Variants in RAD51 observed in about 807,000 individuals in gnomAD.
RAD51 encodes the protein DNA repair protein RAD51 homolog 1.
A neutral mutation model predicts 41.5 loss-of-function variants in RAD51; 14 were observed. The ratio of observed to expected loss-of-function variants is 0.34; its 90% CI spans 0.22 to 0.53. RAD51 has a LOEUF of 0.53. RAD51 is among the 20% of genes least tolerant of loss of function. RAD51 has a pLI of 0.95. For missense variants in RAD51, 234 were observed against 422.0 expected, an observed-to-expected ratio of 0.55 and a Z score of 3.90; for synonymous variants, 136 against 148.6, an observed-to-expected ratio of 0.92 and a Z score of 0.62.
intron 5 of RAD51, among the ~76,000 whole-genome samples, 185 bp from the exon 6 acceptor site, chr15:40,718,620 G>A (rs903276691): frequency 2.6e-5 from 4 of 152,128 alleles, no homozygotes; most frequent in African/African-American, 9.7e-5. Context: ...GACACAATCA[G>A]CTTTACATAT....
Position 40,722,002 on chromosome 15 carries a change from A to AT in RAD51, c.530+3111dup, listed in dbSNP as rs566752173. On this transcript the variant is annotated intron_variant, in intron 6 of 9. Coordinates refer to ENST00000267868, the MANE Select transcript of RAD51 (RefSeq NM_002875.5). ...TTTAGCCTTAAAAGGAAGAAAACAC[A>AT]TTTTTTTTCTTAGACCTAGTCCTGC... Among the ~76,000 whole-genome samples, 50 of 152,214 alleles carry AT rather than the reference A, an allele frequency of 3.3e-4. No homozygotes were observed. The South Asian group carries it at 9.5e-3, about 29-fold the overall frequency.
intron 4 of RAD51, among the ~76,000 whole-genome samples, chr15:40,707,692 G>T (rs761218855): frequency 2.0e-5 from 3 of 151,944 alleles, no homozygotes; most frequent in Non-Finnish European, 2.9e-5. Context: ...TAGAAATTTC[G>T]TATGTTTTTT....
chr15:40,721,965 A>G (rs578232374), intron 6 of RAD51, among the ~76,000 whole-genome samples: 7 of 152,356 alleles, frequency 4.6e-5, no homozygotes, highest in African/African-American at 1.4e-4. Context: ...CATACACACA[A>G]TGAAATATCA....
intron 5 of RAD51, among the ~76,000 whole-genome samples, chr15:40,716,276 A>G (rs1379454398): frequency 2.0e-5 from 3 of 152,224 alleles, no homozygotes; most frequent in African/African-American, 4.8e-5. Flanking sequence ...CACTTATATA[A>G]AAGAAGTATA....
In RAD51 at chr15:40,709,102, G is replaced by T. The variant is rs757033061; in HGVS notation, c.421G>T (p.Ala141Ser). The T allele has an allele frequency of 1.2e-6, 2 of 1,613,426 alleles. No individual in the cohort carries two copies. The highest frequency in any genetic ancestry group is 4.5e-5 in the East Asian group (2 of 44,868). Reference protein sequence around the residue: ...TGKTQICHTLAVTCQLPIDRG... With the variant: ...TGKTQICHTLSVTCQLPIDRG... ...GAAGACCCAGATCTGTCATACGCTA[G>T]CTGTCACCTGCCAGGTGAGCTGTTG... is the stretch of plus-strand genomic sequence containing the variant. Residue 141 changes from alanine (A) to serine (S), a missense_variant, in exon 5 of 10, where the codon GCT becomes TCT. By Grantham distance (99) the Ala-to-Ser change is moderately conservative. This residue lies in a region of RAD51 where 134 missense variants were observed against 286.5 expected (regional missense o/e 0.47). Coordinates refer to ENST00000267868, the MANE Select transcript of RAD51 (RefSeq NM_002875.5).
intron 1 of RAD51, chr15:40,695,994 C>T (rs948275152): frequency 6.6e-6 from 1 of 152,250 alleles, no homozygotes; most frequent in Admixed American, 6.5e-5. Flanking sequence ...CCTACCTCAG[C>T]CTCCCGAGGA....
At chr15:40,718,378 C>A (rs953789989) in intron 5 of RAD51, among the ~76,000 whole-genome samples, 1 of 151,748 alleles carries the variant, frequency 6.6e-6, no homozygotes, top group African/African-American at 2.4e-5. Context: ...ATTAGCTGGG[C>A]GTGGTGGCAT....
chr15:40,706,700 C>CA (rs1279850918), intron 4 of RAD51, among the ~76,000 whole-genome samples: 2 of 150,964 alleles, frequency 1.3e-5, no homozygotes, highest in South Asian at 2.1e-4. Context: ...AACTCTGTCT[C>CA]AAAAACAAAG....
rs774162710 is a variant in RAD51, at chr15:40,729,870, A to G, written c.792A>G (p.Val264=). The G allele has an allele frequency of 3.7e-6, 6 of 1,614,210 alleles. No individual in the cohort carries two copies. The South Asian group carries it at 5.5e-5, about 15-fold the overall frequency. The stretch of plus-strand genomic sequence containing the variant: ...CCCATCAGTTTGGTGTAGCAGTGGT[A>G]ATCACTAATCAGGTGGTAGCTCAAG... ...RLADEFGVAV[V]ITNQVVAQVD... is the part of the protein sequence containing the mutation. Residue 264 remains valine, a synonymous_variant, in exon 9 of 10, where the codon GTA becomes GTG. Coordinates refer to ENST00000267868, the MANE Select transcript of RAD51 (RefSeq NM_002875.5).
At chr15:40,725,687 T>C (rs1596019514) in intron 6 of RAD51, among the ~76,000 whole-genome samples, 2 of 152,232 alleles carry the variant, frequency 1.3e-5, no homozygotes, top group African/African-American at 2.4e-5. Context: ...GCTAGCAACC[T>C]GTTTTAACAA....
In RAD51 at chr15:40,701,376, CTT is replaced by C. The variant is rs57054958; in HGVS notation, c.225+189_225+190del. Among the ~76,000 whole-genome samples the C allele has an allele frequency of 2.6e-3, 288 of 109,948 alleles. 1 individual carries two copies. The East Asian group carries it at 0.055, about 21-fold the overall frequency. The allele number at this position is 109,948 out of a possible 152,430, so 72.1% of individuals were successfully genotyped here. Reference sequence around the variant, plus strand: ...CTTTTCTTTTCTTTTTTTTTTCTTTCTTTTTTTTTTTTTTTGGAGACGGGTTC... The same window carrying C: ...CTTTTCTTTTCTTTTTTTTTTCTTTCTTTTTTTTTTTTTGGAGACGGGTTC... On this transcript the variant is annotated intron_variant, in intron 3 of 9. Transcript: ENST00000267868.
chr15:40,712,443 G>A (rs1336857965), intron 5 of RAD51, among the ~76,000 whole-genome samples: 1 of 152,172 alleles, frequency 6.6e-6, no homozygotes, highest in Non-Finnish European at 1.5e-5. Flanking sequence ...ATCTGGAAAC[G>A]AAAGATCCAT....
rs373355182 is a variant in RAD51 at position 40,730,381 on chromosome 15, G to A, written c.896+407G>A. 3.9e-5 allele frequency among the ~76,000 whole-genome samples: 6 copies of A among 151,982 alleles called. No homozygotes were observed. The East Asian group carries it at 7.7e-4, about 20-fold the overall frequency. The stretch of plus-strand genomic sequence containing the variant: ...GTAGCTGGTGTGGTGGCGTGTGCCT[G>A]TAGTCTTAGCTACCCAGGAGACTGA... On this transcript the variant is annotated intron_variant, in intron 9 of 9. Coordinates refer to ENST00000267868, the MANE Select transcript of RAD51 (RefSeq NM_002875.5).
At chr15:40,695,500 A>C (rs1894560401) in intron 1 of RAD51, 75 bp downstream of exon 1, 1 of 150,700 alleles carries the variant, frequency 6.6e-6, no homozygotes, top group African/African-American at 2.4e-5. Context: ...TGGCCGGTCC[A>C]GTGCTCAGCG....
intron 6 of RAD51, among the ~76,000 whole-genome samples, chr15:40,726,710 C>G (rs548753000): frequency 2.6e-5 from 4 of 151,616 alleles, no homozygotes; most frequent in South Asian, 4.2e-4. Context: ...GTCAGGAGAT[C>G]GAGACCATCC....
In RAD51 at chr15:40,698,757, T is replaced by TA. The variant is rs55714242; in HGVS notation, c.1dup. On this transcript the variant is annotated splice_region_variant and 5_prime_UTR_variant, in exon 2 of 10. Coordinates refer to ENST00000267868, the MANE Select transcript of RAD51 (RefSeq NM_002875.5). ...ACTGATAAGCATTTGTATTTTTCAG[T>TA]AATGGCAATGCAGATGCAGCTTGAA... The TA allele has an allele frequency of 2.9e-4, 470 of 1,613,498 alleles. 7 individuals are homozygous for TA. The East Asian group carries it at 0.01, about 36-fold the overall frequency.
chr15:40,709,980 C>T (rs900503753), intron 5 of RAD51, among the ~76,000 whole-genome samples: 84 of 152,018 alleles, frequency 5.5e-4, no homozygotes, highest in African/African-American at 1.8e-3. Flanking sequence ...CGGTGACTCA[C>T]GCCTGTAATC....
At chr15:40,703,949 G>A (rs964910450) in intron 3 of RAD51, among the ~76,000 whole-genome samples, 4 of 152,092 alleles carry the variant, frequency 2.6e-5, no homozygotes, top group South Asian at 2.1e-4. Flanking sequence ...TGTCACTTAC[G>A]TTGGAGTGCA....
chr15:40,711,026 TAAA>T, intron 5 of RAD51, among the ~76,000 whole-genome samples: 1 of 152,302 alleles, frequency 6.6e-6, no homozygotes, highest in Non-Finnish European at 1.5e-5. Flanking sequence ...CACAGTAGGT[TAAA>T]TAATTGCCCA....
Sources: gnomAD v4.1 joint callset for allele counts (sites outside exome capture counted in the v4.1 genomes callset) on GRCh38, gnomAD v4.1.1 for gene constraint, gnomAD v4.1.1 regional missense constraint, MANE v1.5 for transcripts, NCBI Gene and HGNC (gene_info 2026-07-23, HGNC 2026-07-21) for gene names.